Variants in SOX6 observed in about 807,000 individuals in gnomAD.
SOX6 encodes transcription factor SOX-6.
Under a neutral mutation model 97.8 loss-of-function variants are expected in SOX6, and 11 were observed. The ratio of observed to expected loss-of-function variants is 0.11; its 90% CI spans 0.07 to 0.19. The LOEUF (loss-of-function observed/expected upper bound fraction) is 0.19. Among genes scored for constraint, SOX6 ranks in the 10% least tolerant of loss-of-function variants. SOX6 has a pLI of 1.00. For synonymous variants in SOX6, 360 were observed against 371.4 expected (o/e 0.97, Z 0.35); for missense variants, 810 against 1,039.5 (o/e 0.78, Z 3.04).
chr11:16,435,035 G>T (rs1859347565), intron 1 of SOX6, among the ~76,000 whole-genome samples: 1 of 152,050 alleles, frequency 6.6e-6, no homozygotes, highest in South Asian at 2.1e-4. Flanking sequence ...ATTCACCACA[G>T]TTGAAACTTA....
intron 1 of SOX6, among the ~76,000 whole-genome samples, chr11:16,353,775 T>C (rs1857007962): frequency 1.3e-5 from 2 of 151,990 alleles, no homozygotes; most frequent in Non-Finnish European, 2.9e-5. Flanking sequence ...AAGTACATAT[T>C]TGCACACCTA....
rs1288475301 is a variant in SOX6 at position 15,979,326 on chromosome 11, C to CAA, written c.2184-6215_2184-6214insTT. On this transcript the variant is annotated intron_variant, in intron 15 of 15. Coordinates refer to ENST00000683767, the MANE Select transcript of SOX6 (RefSeq NM_001367873.1). ...ACCCATCTACTTCTTACCACCTCCA[C>CAA]CCCTACAAACCTGGAACAAACCACC... Among the ~76,000 whole-genome samples, 748 of 152,022 alleles carry CAA rather than the reference C, an allele frequency of 4.9e-3. 8 individuals are homozygous for CAA. In the South Asian group the frequency reaches 0.051, roughly 10 times the overall value.
intron 6 of SOX6, among the ~76,000 whole-genome samples, chr11:16,180,044 G>A (rs558953317): frequency 6.6e-6 from 1 of 151,614 alleles, no homozygotes; most frequent in Non-Finnish European, 1.5e-5. Context: ...AAAGAATGTG[G>A]TATATTGGAT....
chr11:16,349,939 G>T (rs776962071), intron 1 of SOX6, among the ~76,000 whole-genome samples: 2 of 152,038 alleles, frequency 1.3e-5, no homozygotes, highest in African/African-American at 2.4e-5. Context: ...GCTAATGCCT[G>T]ATATGCCTAA....
In SOX6 at chr11:15,972,765, G is replaced by A; in HGVS notation, c.*44C>T. ...CTTTAATAACTCTTTGTTGGGGAGG[G>A]GGGTGAAATGTCAGAGTACTTTAAT... is the stretch of plus-strand genomic sequence containing the variant. On this transcript the variant is annotated 3_prime_UTR_variant, in exon 16 of 16. Transcript: ENST00000683767. 2 of 1,600,980 alleles carry A rather than the reference G, an allele frequency of 1.2e-6. No homozygotes were observed. Among genetic ancestry groups the A allele is most frequent in the Non-Finnish European group, 1.7e-6 (2 of 1,168,336 alleles).
chr11:15,977,515 T>A (rs1054666015), intron 15 of SOX6, among the ~76,000 whole-genome samples: 2 of 151,826 alleles, frequency 1.3e-5, no homozygotes, highest in East Asian at 3.9e-4. Flanking sequence ...TACTTGAGCC[T>A]CTCCCTGCTT....
At chr11:16,496,323 A>G (rs888497136) in intron 4 of SOX6, among the ~76,000 whole-genome samples, 1 of 152,108 alleles carries the variant, frequency 6.6e-6, no homozygotes, top group African/African-American at 2.4e-5. Context: ...GGATTAAAAA[A>G]AAAAAAACAG....
chr11:16,496,553 G>A (rs1860600503), intron 4 of SOX6, among the ~76,000 whole-genome samples: 2 of 152,214 alleles, frequency 1.3e-5, no homozygotes, highest in African/African-American at 2.4e-5. Flanking sequence ...AGGGGTCAGG[G>A]AATTCCCTTT....
At chr11:16,376,126 A>T (rs1857637526) in intron 1 of SOX6, among the ~76,000 whole-genome samples, 1 of 152,142 alleles carries the variant, frequency 6.6e-6, no homozygotes, top group African/African-American at 2.4e-5. Flanking sequence ...GTGTATACCT[A>T]TGTAACAAAC....
At chr11:16,486,909 A>T (rs944741571) in intron 4 of SOX6, among the ~76,000 whole-genome samples, 32 of 151,902 alleles carry the variant, frequency 2.1e-4, no homozygotes, top group African/African-American at 6.0e-4. Flanking sequence ...ATAAAAATTT[A>T]AAAAAAGAAA....
chr11:16,005,344 G>A (rs1306120087), intron 13 of SOX6, among the ~76,000 whole-genome samples: 3 of 151,418 alleles, frequency 2.0e-5, no homozygotes, highest in Admixed American at 6.6e-5. Flanking sequence ...TCACATCTCC[G>A]CAGTTCCCAT....
At chr11:16,633,787 T>C (rs1043340948) in intron 3 of SOX6, among the ~76,000 whole-genome samples, 63 of 152,298 alleles carry the variant, frequency 4.1e-4, no homozygotes, top group Admixed American at 1.2e-3. Flanking sequence ...CTGGCATATA[T>C]GGGGCCGACT....
intron 4 of SOX6, among the ~76,000 whole-genome samples, chr11:16,587,939 G>A (rs1203921912): frequency 6.6e-6 from 1 of 152,122 alleles, no homozygotes; most frequent in African/African-American, 2.4e-5. Flanking sequence ...CTCCTTCACA[G>A]GCACAACCCT....
At chr11:16,103,587 A>G (rs926181328) in intron 7 of SOX6, among the ~76,000 whole-genome samples, 2 of 151,998 alleles carry the variant, frequency 1.3e-5, no homozygotes, top group African/African-American at 4.8e-5. Context: ...ACAGCAGCAC[A>G]ATTTGCAGTT....
At chr11:16,422,808 A>G (rs1462464791) in intron 1 of SOX6, among the ~76,000 whole-genome samples, 1 of 152,168 alleles carries the variant, frequency 6.6e-6, no homozygotes, top group East Asian at 1.9e-4. Flanking sequence ...ATCTACTCAA[A>G]AAACCTTTAT....
intron 4 of SOX6, among the ~76,000 whole-genome samples, chr11:16,511,075 A>G (rs1429659061): frequency 2.6e-5 from 4 of 152,170 alleles, no homozygotes; most frequent in Non-Finnish European, 4.4e-5. Context: ...ATATATAAAC[A>G]TATTTCTCTG....
intron 4 of SOX6, among the ~76,000 whole-genome samples, chr11:16,580,392 C>T (rs1027039718): frequency 7.9e-5 from 12 of 151,660 alleles, no homozygotes; most frequent in South Asian, 4.2e-4. Context: ...TGAGCATGTA[C>T]AAGGTAAATA....
chr11:16,096,895 A>C (rs1274247899), intron 8 of SOX6, among the ~76,000 whole-genome samples: 1 of 151,842 alleles, frequency 6.6e-6, no homozygotes, highest in Non-Finnish European at 1.5e-5. Context: ...TTTTATTAAT[A>C]CAAATATACA....
chr11:16,325,874 T>A (rs1260543943), intron 2 of SOX6, among the ~76,000 whole-genome samples: 1 of 152,102 alleles, frequency 6.6e-6, no homozygotes, highest in African/African-American at 2.4e-5. Flanking sequence ...GGCAAATAGT[T>A]ACTTCCTTTT....
Sources: allele counts gnomAD v4.1 joint callset (sites outside exome capture counted in the v4.1 genomes callset), GRCh38; gene constraint gnomAD v4.1.1; transcripts MANE v1.5; gene names NCBI Gene and HGNC (gene_info 2026-07-23, HGNC 2026-07-21).